Variants in FERMT2 observed in about 807,000 individuals in gnomAD.
FERMT2 encodes fermitin family homolog 2.
In FERMT2, 15 loss-of-function variants were observed where a neutral mutation model predicts 82.7. The ratio of observed to expected loss-of-function variants is 0.18; its 90% CI spans 0.12 to 0.28. FERMT2 has a LOEUF of 0.28. FERMT2 is among the 10% of genes least tolerant of loss of function. The pLI is 1.00. For synonymous variants in FERMT2, 274 were observed against 271.5 expected (o/e 1.01, Z -0.09); for missense variants, 645 against 809.4 (o/e 0.80, Z 2.46).
intron 2 of FERMT2, among the ~76,000 whole-genome samples, chr14:52,926,411 A>AACACACACACACACAC: frequency 6.8e-6 from 1 of 147,072 alleles, no homozygotes; most frequent in African/African-American, 2.5e-5. Context: ...GACCAAGTGC[A>AACACACACACACACAC]ACACACACAC....
At chr14:52,919,035 C>A in intron 3 of FERMT2, 88 bp downstream of exon 3, 1 of 864,122 alleles carries the variant, frequency 1.2e-6, no homozygotes, top group South Asian at 1.6e-5. Flanking sequence ...TCAGCCCATG[C>A]CCCATCCCTT....
chr14:52,860,867 G>T, intron 12 of FERMT2: 1 of 672,636 alleles, frequency 1.5e-6, no homozygotes. Context: ...AGGAATATTT[G>T]TTAGCAGCTT....
intron 3 of FERMT2, among the ~76,000 whole-genome samples, chr14:52,917,611 C>T (rs750120268): frequency 1.3e-5 from 2 of 152,004 alleles, no homozygotes; most frequent in Admixed American, 6.6e-5. Context: ...TCCTACATCC[C>T]GAATCCCCTG....
chr14:52,864,993 T>A (rs1885182036), intron 10 of FERMT2, 140 bp from the exon 11 acceptor site: 1 of 616,934 alleles, frequency 1.6e-6, no homozygotes, highest in Non-Finnish European at 2.9e-6. Flanking sequence ...CTGCAGAAGG[T>A]AACATACACA....
intron 1 of FERMT2, 52 bp downstream of exon 1, chr14:52,950,869 T>C (rs1595036837): frequency 4.7e-6 from 1 of 213,882 alleles, no homozygotes; most frequent in South Asian, 1.8e-4. Context: ...TGACTCCCCG[T>C]TCCCCTCCCC....
chr14:52,887,709 G>A (rs141120117), intron 4 of FERMT2, among the ~76,000 whole-genome samples: 5 of 152,054 alleles, frequency 3.3e-5, no homozygotes, highest in African/African-American at 4.8e-5. Context: ...CATGAGCACC[G>A]GAGCCTGGAT....
intron 3 of FERMT2, among the ~76,000 whole-genome samples, chr14:52,909,811 T>A (rs1888212470): frequency 6.6e-6 from 1 of 152,110 alleles, no homozygotes; most frequent in South Asian, 2.1e-4. Flanking sequence ...TCCCAGCACT[T>A]TGGGAGGCCA....
intron 2 of FERMT2, among the ~76,000 whole-genome samples, chr14:52,942,207 CAAAT>C (rs201276914): frequency 0.013 from 1,811 of 139,164 alleles, 53 homozygotes; most frequent in East Asian, 0.091. Flanking sequence ...TTGCATAACA[CAAAT>C]AGTTTATATA....
chr14:52,936,914 G>T (rs1889861921), intron 2 of FERMT2, among the ~76,000 whole-genome samples: 1 of 152,050 alleles, frequency 6.6e-6, no homozygotes, highest in South Asian at 2.1e-4. Context: ...CAACACTCTG[G>T]GAGGCTGAGG....
At position 52,919,314 on chromosome 14, in the gene FERMT2, T is replaced by G. The variant is rs374774930; in HGVS notation, c.200A>C (p.Lys67Thr). ...TGTCTTCAGAAGCCAAGTTCTCTTC[T>G]TTTCCCACCAGAGAGCATGGTCAGA... Reference protein sequence around the residue: ...DWSDHALWWEKKRTWLLKTHW... With the variant: ...DWSDHALWWETKRTWLLKTHW... Residue 67 changes from lysine (K) to threonine (T), a missense_variant, in exon 3 of 15, where the codon AAG becomes ACG. Physicochemically the swap from Lys to Thr is moderately conservative, Grantham distance 78. Coordinates refer to ENST00000341590, the MANE Select transcript of FERMT2 (RefSeq NM_006832.3). The G allele has an allele frequency of 5.0e-6, 8 of 1,613,922 alleles. No homozygotes were observed. Among genetic ancestry groups the G allele is most frequent in the Non-Finnish European group, 6.8e-6 (8 of 1,179,856 alleles).
intron 2 of FERMT2, among the ~76,000 whole-genome samples, chr14:52,926,411 AACACACAC>A (rs34726532): frequency 0.087 from 12,827 of 146,972 alleles, 573 homozygotes; most frequent in East Asian, 0.18. Context: ...GACCAAGTGC[AACACACAC>A]ACACACACAC....
At chr14:52,895,417 A>T (rs568753579) in intron 3 of FERMT2, among the ~76,000 whole-genome samples, 12 of 152,346 alleles carry the variant, frequency 7.9e-5, no homozygotes, top group African/African-American at 2.9e-4. Context: ...CCAAAACTGA[A>T]AATAACCCAG....
chr14:52,894,820 C>T (rs1194626286), intron 3 of FERMT2, among the ~76,000 whole-genome samples: 1 of 149,530 alleles, frequency 6.7e-6, no homozygotes, highest in Non-Finnish European at 1.5e-5. Flanking sequence ...AAGCATAAGA[C>T]GACAAAGATT....
rs148507323 is a variant in FERMT2 at position 52,945,397 on chromosome 14, G to T, written c.157+5015C>A. ...TGAGTAGCTGGGATTACAGGCGCCCGCTACCATGCCTGGCTAATTTTTTTT... is the reference window on the plus strand; with the variant it reads ...TGAGTAGCTGGGATTACAGGCGCCCTCTACCATGCCTGGCTAATTTTTTTT... On this transcript the variant is annotated intron_variant, in intron 2 of 14. Coordinates refer to ENST00000341590, the MANE Select transcript of FERMT2 (RefSeq NM_006832.3). Among the ~76,000 whole-genome samples, 1,394 of 151,770 alleles carry T rather than the reference G, an allele frequency of 9.2e-3. 21 individuals are homozygous for T. Among genetic ancestry groups the T allele is most frequent in the African/African-American group, 0.032 (1,310 of 41,364 alleles).
At chr14:52,920,501 G>A (rs776727557) in intron 2 of FERMT2, among the ~76,000 whole-genome samples, 1 of 151,972 alleles carries the variant, frequency 6.6e-6, no homozygotes, top group Non-Finnish European at 1.5e-5. Flanking sequence ...AGGCATGGTG[G>A]CATGTGCCTG....
intron 4 of FERMT2, chr14:52,881,816 A>G: frequency 7.7e-7 from 1 of 1,299,646 alleles, no homozygotes; most frequent in Non-Finnish European, 1.0e-6. Context: ...GCCAATGTAA[A>G]GAACATCAGT....
intron 3 of FERMT2, among the ~76,000 whole-genome samples, chr14:52,917,271 C>CAT (rs1555371904): frequency 2.0e-5 from 3 of 147,646 alleles, no homozygotes; most frequent in Admixed American, 2.0e-4. Flanking sequence ...CACAGAGATA[C>CAT]GTGTGTGTGT....
chr14:52,926,304 G>T (rs914170108), intron 2 of FERMT2, among the ~76,000 whole-genome samples: 3 of 151,930 alleles, frequency 2.0e-5, no homozygotes, highest in Admixed American at 2.0e-4. Context: ...TTCCATACAG[G>T]AACTCCCTTA....
At position 52,858,191 on chromosome 14, in the gene FERMT2, TATC is replaced by T; in HGVS notation, c.*183_*185del. On this transcript the variant is annotated 3_prime_UTR_variant, in exon 15 of 15. Transcript: ENST00000341590. ...ATGTGTGACAAATTCAAGTTTATTA[TATC>T]ATAACATGATAGATTAATAGTCGTG... 1.9e-6 allele frequency: 1 copy of T among 534,684 alleles called. No homozygotes were observed. The highest frequency in any genetic ancestry group is 2.9e-5 in the East Asian group (1 of 34,426). The allele number at this position is 534,684 out of a possible 1,614,324, so 33.1% of individuals were successfully genotyped here. A position where few individuals can be genotyped will look rare whatever the true frequency, so the allele number is the denominator to read the frequency against.
Sources: allele counts gnomAD v4.1 joint callset (sites outside exome capture counted in the v4.1 genomes callset), GRCh38; gene constraint gnomAD v4.1.1; transcripts MANE v1.5; gene names NCBI Gene and HGNC (gene_info 2026-07-23, HGNC 2026-07-21).